Variants in CNR2 observed in about 807,000 individuals in gnomAD.
CNR2 encodes cannabinoid receptor 2 (macrophage).
For synonymous variants in CNR2, 172 were observed against 182.2 expected (o/e 0.94, Z 0.45); for missense variants, 379 against 439.9 (o/e 0.86, Z 1.24).
intron 1 of CNR2, among the ~76,000 whole-genome samples, chr1:23,908,173 G>A (rs542375809): frequency 1.3e-5 from 2 of 152,138 alleles, no homozygotes; most frequent in East Asian, 3.9e-4. Context: ...TAGAGACGGG[G>A]TTTCACCATG....
chr1:23,900,502 CTCTTT>C (rs1430058999), intron 1 of CNR2, among the ~76,000 whole-genome samples: 5 of 93,840 alleles, frequency 5.3e-5, no homozygotes, highest in Admixed American at 3.5e-4. Context: ...CTTCCCTGAT[CTCTTT>C]TTTTTTTTTT....
chr1:23,880,185 C>CTTTTTTTTTTTTT (rs142971648), intron 1 of CNR2, among the ~76,000 whole-genome samples: 12 of 128,764 alleles, frequency 9.3e-5, no homozygotes, highest in African/African-American at 2.3e-4. Flanking sequence ...ACTTCCAACT[C>CTTTTTTTTTTTTT]TTTTTTTTTT....
chr1:23,870,613 A>G lies in CNR2; in HGVS notation c.*3922T>C, dbSNP rs1639744322. 1 of 152,194 alleles carries G rather than the reference A, an allele frequency of 6.6e-6. No individual in the cohort carries two copies. Among genetic ancestry groups the G allele is most frequent in the Admixed American group, 6.5e-5 (1 of 15,276 alleles). The allele number at this position is 152,194 out of a possible 1,614,324, so 9.4% of individuals were successfully genotyped here. ...TGTGATCTTCAATTTATTTCTCCTT[A>G]TCCACATAACCAAAATGTGAACCTG... is the stretch of plus-strand genomic sequence containing the variant. On this transcript the variant is annotated 3_prime_UTR_variant, in exon 2 of 2. Coordinates refer to ENST00000374472, the MANE Select transcript of CNR2 (RefSeq NM_001841.3).
intron 1 of CNR2, among the ~76,000 whole-genome samples, chr1:23,876,321 C>G (rs1380058633): frequency 6.6e-6 from 1 of 151,708 alleles, no homozygotes; most frequent in Non-Finnish European, 1.5e-5. Context: ...ATTCTCCTGC[C>G]TCAGCCTCCC....
chr1:23,872,503 A>G lies in CNR2; in HGVS notation c.*2032T>C, dbSNP rs1206869423. On this transcript the variant is annotated 3_prime_UTR_variant, in exon 2 of 2. Transcript: ENST00000374472. ...CAGATAGCTAATATTATCCCTAATG[A>G]GCAATAATCAAGCAGAATTTGACTG... 6.6e-6 allele frequency: 1 copy of G among 152,094 alleles called. No homozygotes were observed. The highest frequency in any genetic ancestry group is 1.5e-5 in the Non-Finnish European group (1 of 68,030). The allele number at this position is 152,094 out of a possible 1,614,324, so 9.4% of individuals were successfully genotyped here. A position where few individuals can be genotyped will look rare whatever the true frequency, so the allele number is the denominator to read the frequency against.
intron 1 of CNR2, among the ~76,000 whole-genome samples, chr1:23,883,031 A>G (rs999632439): frequency 6.6e-6 from 1 of 152,162 alleles, no homozygotes; most frequent in African/African-American, 2.4e-5. Flanking sequence ...AAAAGATTAT[A>G]AAATAGATGA....
At chr1:23,895,076 A>C (rs1350530792) in intron 1 of CNR2, among the ~76,000 whole-genome samples, 1 of 151,904 alleles carries the variant, frequency 6.6e-6, no homozygotes, top group Non-Finnish European at 1.5e-5. Flanking sequence ...AAAAAAATTA[A>C]CCAGGCATGG....
chr1:23,891,684 A>C (rs1425070084), intron 1 of CNR2, among the ~76,000 whole-genome samples: 2 of 150,196 alleles, frequency 1.3e-5, no homozygotes, highest in African/African-American at 2.4e-5. Context: ...AGCAAAACCC[A>C]CCTCCTCCAA....
At chr1:23,907,429 A>T (rs1461210373) in intron 1 of CNR2, among the ~76,000 whole-genome samples, 16 of 148,508 alleles carry the variant, frequency 1.1e-4, no homozygotes, top group African/African-American at 4.0e-4. Flanking sequence ...AAAAAAAACA[A>T]GAGAAAAAAG....
chr1:23,880,369 G>A (rs574057985), intron 1 of CNR2, among the ~76,000 whole-genome samples: 2 of 151,906 alleles, frequency 1.3e-5, no homozygotes, highest in East Asian at 1.9e-4. Flanking sequence ...AGTAGAGACG[G>A]GGTTTCACCG....
intron 1 of CNR2, among the ~76,000 whole-genome samples, chr1:23,879,689 A>T (rs974783984): frequency 3.9e-5 from 6 of 152,184 alleles, no homozygotes. Context: ...GAATAGAGTT[A>T]AAGCTTTATC....
intron 1 of CNR2, chr1:23,902,762 G>C (rs1640422419): frequency 1.3e-6 from 2 of 1,503,958 alleles, no homozygotes; most frequent in Non-Finnish European, 1.8e-6. Context: ...GGGGCTCTCC[G>C]GGTGGTTGTT....
intron 1 of CNR2, among the ~76,000 whole-genome samples, chr1:23,904,888 T>C (rs1640461843): frequency 6.6e-6 from 1 of 152,200 alleles, no homozygotes; most frequent in Admixed American, 6.5e-5. Flanking sequence ...GAATCACCTG[T>C]GGTTTGCCTC....
chr1:23,877,576 A>G (rs1034898740), intron 1 of CNR2, among the ~76,000 whole-genome samples: 4 of 152,062 alleles, frequency 2.6e-5, no homozygotes, highest in Non-Finnish European at 5.9e-5. Context: ...CGGAGCTTGC[A>G]GTGAGCCGAG....
At chr1:23,895,493 G>A (rs1381707235) in intron 1 of CNR2, among the ~76,000 whole-genome samples, 1 of 152,030 alleles carries the variant, frequency 6.6e-6, no homozygotes, top group Non-Finnish European at 1.5e-5. Context: ...ACAAAGCCAG[G>A]ACCTGAGTCC....
At chr1:23,885,749 G>T (rs1640077335) in intron 1 of CNR2, among the ~76,000 whole-genome samples, 1 of 151,916 alleles carries the variant, frequency 6.6e-6, no homozygotes, top group Admixed American at 6.6e-5. Context: ...GTGGTGGCGT[G>T]CGCCTGTAAT....
chr1:23,885,423 T>C (rs3923183), intron 1 of CNR2, among the ~76,000 whole-genome samples: 132,705 of 152,112 alleles, frequency 0.87, 58,286 homozygotes, highest in Middle Eastern at 0.93. Flanking sequence ...TACCTAATGC[T>C]TTGGTCTTCT....
intron 1 of CNR2, among the ~76,000 whole-genome samples, chr1:23,895,878 G>A (rs942522668): frequency 1.3e-5 from 2 of 152,168 alleles, no homozygotes; most frequent in East Asian, 1.9e-4. Flanking sequence ...TGCATAGGGT[G>A]AGGGGCCCTG....
chr1:23,876,393 C>T (rs925568514), intron 1 of CNR2, among the ~76,000 whole-genome samples: 81 of 151,384 alleles, frequency 5.4e-4, no homozygotes, highest in African/African-American at 1.1e-3. Context: ...TAGTAGAGAC[C>T]GGGTTTCACC....
Sources: gnomAD v4.1 joint callset for allele counts (sites outside exome capture counted in the v4.1 genomes callset) on GRCh38, gnomAD v4.1.1 for gene constraint, MANE v1.5 for transcripts, NCBI Gene and HGNC (gene_info 2026-07-23, HGNC 2026-07-21) for gene names.